Variants in CHN2 observed in about 807,000 individuals in gnomAD.
CHN2 encodes beta-chimaerin.
CHN2 carries 35 observed loss-of-function variants against 56.3 expected under a neutral mutation model. That is an observed-to-expected ratio of 0.62 (90% CI 0.47 to 0.82). CHN2 has a LOEUF of 0.82. Ranked by LOEUF, CHN2 falls within the 40% of genes least tolerant of loss-of-function variation. The pLI, the probability that CHN2 is intolerant of heterozygous loss-of-function variation, is 0.00. For missense variants in CHN2, 491 were observed against 580.5 expected, an observed-to-expected ratio of 0.85 and a Z score of 1.58; for synonymous variants, 210 against 212.8, an observed-to-expected ratio of 0.99 and a Z score of 0.12.
At chr7:29,423,293 T>G (rs989872989) in intron 6 of CHN2, among the ~76,000 whole-genome samples, 3 of 152,208 alleles carry the variant, frequency 2.0e-5, no homozygotes, top group Non-Finnish European at 2.9e-5. Context: ...GACTGAAGAC[T>G]CATTCCCCCA....
At chr7:29,481,942 A>T (rs965557185) in intron 7 of CHN2, among the ~76,000 whole-genome samples, 2 of 152,196 alleles carry the variant, frequency 1.3e-5, no homozygotes, top group Admixed American at 6.5e-5. Flanking sequence ...AGCTTGTGTT[A>T]AAAACACACA....
intron 6 of CHN2, among the ~76,000 whole-genome samples, chr7:29,410,171 T>A (rs951141061): frequency 6.6e-6 from 1 of 152,224 alleles, no homozygotes; most frequent in Non-Finnish European, 1.5e-5. Context: ...TTTAAATAAT[T>A]TATTCTGGAA....
intron 1 of CHN2, among the ~76,000 whole-genome samples, chr7:29,278,408 A>G (rs1050475251): frequency 1.6e-4 from 24 of 151,994 alleles, no homozygotes; most frequent in African/African-American, 4.8e-4. Context: ...TAGAAGATAC[A>G]TAAATGAATG....
intron 2 of CHN2, among the ~76,000 whole-genome samples, chr7:29,162,554 G>A (rs1044210172): frequency 6.6e-6 from 1 of 151,960 alleles, no homozygotes; most frequent in Non-Finnish European, 1.5e-5. Context: ...CCAACTACTT[G>A]GGAGGCTGAG....
chr7:29,429,966 A>T (rs1782713031), intron 6 of CHN2, among the ~76,000 whole-genome samples: 1 of 152,224 alleles, frequency 6.6e-6, no homozygotes, highest in African/African-American at 2.4e-5. Context: ...CTCTGTAAAG[A>T]ATAGAAGCAC....
Position 29,400,541 on chromosome 7 carries a change from A to G in CHN2, c.291-2A>G. 1 of 1,613,420 alleles carries G rather than the reference A, an allele frequency of 6.2e-7. No individual in the cohort carries two copies. Among genetic ancestry groups the G allele is most frequent in the Non-Finnish European group, 8.5e-7 (1 of 1,179,578 alleles). The stretch of plus-strand genomic sequence containing the variant: ...TGTAATCCCTCATTCTCTCACGGGC[A>G]GGTTTGGAAACCAGACCTTAAACTA... On this transcript the variant is annotated splice_acceptor_variant, in intron 5 of 12. Transcript: ENST00000222792. LOFTEE classifies it high-confidence loss of function.
intron 1 of CHN2, among the ~76,000 whole-genome samples, chr7:29,311,023 A>G (rs1794560210): frequency 6.6e-6 from 1 of 152,248 alleles, no homozygotes; most frequent in Admixed American, 6.5e-5. Flanking sequence ...GTGCAATTTA[A>G]AAAGCCCCAT....
Position 29,482,409 on chromosome 7 carries a change from A to G in CHN2, c.654+2053A>G, listed in dbSNP as rs113685451. ...TCCTTCCTTGCCCTTTCCACCCTCA[A>G]TCTCCCCACTCCTCACCCGCAACTA... On this transcript the variant is annotated intron_variant, in intron 7 of 12. Coordinates refer to ENST00000222792, the MANE Select transcript of CHN2 (RefSeq NM_004067.4). Among the ~76,000 whole-genome samples the G allele has an allele frequency of 1.3e-3, 202 of 152,204 alleles. 1 individual carries two copies. Among genetic ancestry groups the G allele is most frequent in the African/African-American group, 4.4e-3 (182 of 41,522 alleles).
intron 6 of CHN2, among the ~76,000 whole-genome samples, chr7:29,438,710 A>T (rs972259816): frequency 5.3e-5 from 8 of 152,166 alleles, no homozygotes; most frequent in African/African-American, 1.9e-4. Flanking sequence ...ATGCCATGAG[A>T]TCATGTGATT....
At chr7:29,311,948 G>A in intron 1 of CHN2, among the ~76,000 whole-genome samples, 1 of 152,174 alleles carries the variant, frequency 6.6e-6, no homozygotes, top group Non-Finnish European at 1.5e-5. Context: ...GGCAAGTTAG[G>A]TAAATGATTG....
At chr7:29,309,401 T>A (rs886180216) in intron 1 of CHN2, among the ~76,000 whole-genome samples, 15 of 152,192 alleles carry the variant, frequency 9.9e-5, no homozygotes, top group Admixed American at 8.5e-4. Context: ...CCCCCACCCT[T>A]CCCTTCTCCA....
chr7:29,282,391 A>G (rs1425224772), intron 1 of CHN2, among the ~76,000 whole-genome samples: 3 of 152,204 alleles, frequency 2.0e-5, no homozygotes, highest in East Asian at 1.9e-4. Flanking sequence ...GGCTGTCTAC[A>G]TGGACTTTCG....
At chr7:29,433,402 T>G (rs1275466453) in intron 6 of CHN2, among the ~76,000 whole-genome samples, 3 of 152,360 alleles carry the variant, frequency 2.0e-5, no homozygotes, top group Middle Eastern at 3.4e-3. Context: ...CCAGTGTATT[T>G]TCCTTGTCTT....
intron 1 of CHN2, among the ~76,000 whole-genome samples, chr7:29,237,147 TA>T (rs1157015434): frequency 6.6e-6 from 1 of 152,242 alleles, no homozygotes; most frequent in Non-Finnish European, 1.5e-5. Flanking sequence ...TTTTTGGAGC[TA>T]CACAAACCTT....
intron 6 of CHN2, among the ~76,000 whole-genome samples, chr7:29,405,315 A>C (rs1319930301): frequency 6.6e-6 from 1 of 152,100 alleles, no homozygotes; most frequent in Non-Finnish European, 1.5e-5. Context: ...TCTTTAACGA[A>C]GAGTCTGTGT....
intron 1 of CHN2, among the ~76,000 whole-genome samples, chr7:29,261,848 A>C (rs1789581218): frequency 6.6e-6 from 1 of 152,228 alleles, no homozygotes; most frequent in Admixed American, 6.5e-5. Context: ...AAACCTTTTA[A>C]AATTAGATTA....
chr7:29,458,825 G>A (rs1184153075), intron 6 of CHN2, among the ~76,000 whole-genome samples: 1 of 152,204 alleles, frequency 6.6e-6, no homozygotes, highest in Admixed American at 6.5e-5. Flanking sequence ...CACCAAAGAA[G>A]ATACCACATT....
intron 1 of CHN2, among the ~76,000 whole-genome samples, chr7:29,274,098 C>A (rs542924663): frequency 6.6e-6 from 1 of 152,274 alleles, no homozygotes; most frequent in East Asian, 1.9e-4. Flanking sequence ...GCAAATAATC[C>A]TTTTCATGGC....
In CHN2 at chr7:29,488,724, C is replaced by T. The variant is rs1788319326; in HGVS notation, c.655-7228C>T. On this transcript the variant is annotated intron_variant, in intron 7 of 12. Coordinates refer to ENST00000222792, the MANE Select transcript of CHN2 (RefSeq NM_004067.4). Reference sequence around the variant, plus strand: ...GACCCCTGGGGGACATTTGTCAATGCCTACAGATATTTGTGATTTGTCCCA... The same window carrying T: ...GACCCCTGGGGGACATTTGTCAATGTCTACAGATATTTGTGATTTGTCCCA... 2.0e-5 allele frequency among the ~76,000 whole-genome samples: 3 copies of T among 152,062 alleles called. No individual in the cohort carries two copies. In the South Asian group the frequency reaches 6.2e-4, roughly 32 times the overall value.
Sources: allele counts gnomAD v4.1 joint callset (sites outside exome capture counted in the v4.1 genomes callset), GRCh38; gene constraint gnomAD v4.1.1; transcripts MANE v1.5; gene names NCBI Gene and HGNC (gene_info 2026-07-23, HGNC 2026-07-21).